Variants in CYP3A4 observed in about 807,000 individuals in gnomAD.
The protein encoded by CYP3A4 is cytochrome P450 family 3 subfamily A member 4.
A neutral mutation model predicts 54.9 loss-of-function variants in CYP3A4; 41 were observed. The ratio of observed to expected loss-of-function variants is 0.75; its 90% CI spans 0.58 to 0.97. The LOEUF (loss-of-function observed/expected upper bound fraction) is 0.97. Ranked by LOEUF, CYP3A4 falls within the 50% of genes least tolerant of loss-of-function variation. The pLI, the probability that CYP3A4 is intolerant of heterozygous loss-of-function variation, is 0.00. For synonymous variants in CYP3A4, 179 were observed against 205.2 expected (o/e 0.87, Z 1.09); for missense variants, 510 against 597.3 (o/e 0.85, Z 1.52).
chr7:99,765,292 C>T (rs534192751), intron 9 of CYP3A4, among the ~76,000 whole-genome samples: 8 of 152,252 alleles, frequency 5.3e-5, no homozygotes, highest in African/African-American at 1.9e-4. Context: ...AGCCACATAT[C>T]CAGTGCTCAA....
Position 99,784,025 on chromosome 7 carries a change from C to A in CYP3A4, c.57G>T (p.Leu19=). ...CAGTTACTCACAGATAGAGGAGCAC[C>A]AGGCTGACAGCCAGGAGAAGCCAGG... ...METWLLLAVS[L]VLLYLYGTHS... is the part of the protein sequence containing the mutation. Residue 19 remains leucine (L), a synonymous_variant, in exon 1 of 13, where the codon CTG becomes CTT. Coordinates refer to ENST00000651514, the MANE Select transcript of CYP3A4 (RefSeq NM_017460.6). 1 of 1,613,872 alleles carries A rather than the reference C, an allele frequency of 6.2e-7. No individual in the cohort carries two copies. The highest frequency in any genetic ancestry group is 8.5e-7 in the Non-Finnish European group (1 of 1,179,866).
chr7:99,763,722 G>A, intron 10 of CYP3A4, 133 bp downstream of exon 10: 1 of 1,255,272 alleles, frequency 8.0e-7, no homozygotes, highest in East Asian at 2.5e-5. Flanking sequence ...TTTCTTTTCA[G>A]AGCCTTCCTA....
At chr7:99,764,057 G>A in intron 9 of CYP3A4, 42 bp from the exon 10 acceptor site, 2 of 1,612,734 alleles carry the variant, frequency 1.2e-6, no homozygotes, top group Admixed American at 1.7e-5. Flanking sequence ...TCAGATCAAT[G>A]TAGGGCATCA....
At chr7:99,779,398 A>G (rs1815856331) in intron 2 of CYP3A4, among the ~76,000 whole-genome samples, 2 of 152,194 alleles carry the variant, frequency 1.3e-5, no homozygotes, top group African/African-American at 4.8e-5. Flanking sequence ...CAAAGCTGCA[A>G]AAGATGTCAT....
chr7:99,767,294 T>C (rs1277640414), intron 7 of CYP3A4, 36 bp from the exon 8 acceptor site: 1 of 1,544,984 alleles, frequency 6.5e-7, no homozygotes, highest in Non-Finnish European at 8.7e-7. Context: ...GAAAAAGAAA[T>C]TCATTGTGAA....
chr7:99,767,421 A>G (rs1815503706), intron 7 of CYP3A4, among the ~76,000 whole-genome samples, 163 bp from the exon 8 acceptor site: 1 of 152,192 alleles, frequency 6.6e-6, no homozygotes, highest in Non-Finnish European at 1.5e-5. Flanking sequence ...CTTTCAGGCC[A>G]GTGGCTGAGC....
In CYP3A4 at chr7:99,764,083, G is replaced by A. The variant is rs1302282983; in HGVS notation, c.866-68C>T. 5 of 1,604,616 alleles carry A rather than the reference G, an allele frequency of 3.1e-6. No homozygotes were observed. The African/African-American group carries it at 6.7e-5, about 21-fold the overall frequency. Reference sequence around the variant, plus strand: ...TAGGGCATCACAGTTTAGATGAAGAGAAATCTAAGTGAAGCCCTCAAATCC... The same window carrying A: ...TAGGGCATCACAGTTTAGATGAAGAAAAATCTAAGTGAAGCCCTCAAATCC... On this transcript the variant is annotated intron_variant, in intron 9 of 12. Transcript: ENST00000651514.
intron 3 of CYP3A4, among the ~76,000 whole-genome samples, chr7:99,772,901 G>A (rs1815670286): frequency 6.6e-6 from 1 of 152,034 alleles, no homozygotes; most frequent in African/African-American, 2.4e-5. Context: ...GATAATGTGG[G>A]CCAAACAAGG....
rs896685846 is a variant in CYP3A4, at chr7:99,777,903, C to G, written c.218+125G>C. 5.2e-6 allele frequency: 4 copies of G among 768,178 alleles called. No individual in the cohort carries two copies. In the African/African-American group the frequency reaches 7.1e-5, roughly 14 times the overall value. 47.6% of individuals were successfully genotyped at this position (768,178 alleles called of 1,614,324 possible). A position where few individuals can be genotyped will look rare whatever the true frequency, so the allele number is the denominator to read the frequency against. ...TCTTCTTCTTTCAGAGAACTTCTCT[C>G]TGTTTGTAGTTAGGTTGACAAGAGC... is the stretch of plus-strand genomic sequence containing the variant. On this transcript the variant is annotated intron_variant, in intron 3 of 12. Coordinates refer to ENST00000651514, the MANE Select transcript of CYP3A4 (RefSeq NM_017460.6).
At chr7:99,769,672 C>T (rs550620658) in intron 6 of CYP3A4, 96 bp downstream of exon 6, 8 of 1,458,144 alleles carry the variant, frequency 5.5e-6, no homozygotes, top group Non-Finnish European at 7.7e-6. Context: ...TTTGTCTGGT[C>T]ACTGGAATAA....
chr7:99,766,993 C>A (rs1436858374), intron 8 of CYP3A4, 138 bp downstream of exon 8: 5 of 740,258 alleles, frequency 6.8e-6, no homozygotes, highest in Non-Finnish European at 1.0e-5. Flanking sequence ...CAAATGAATT[C>A]TCTTGCTCTA....
At chr7:99,772,403 T>C (rs1384215066) in intron 4 of CYP3A4, among the ~76,000 whole-genome samples, 187 bp downstream of exon 4, 2 of 152,174 alleles carry the variant, frequency 1.3e-5, no homozygotes, top group Non-Finnish European at 2.9e-5. Context: ...CTGTACTATA[T>C]AGTAACATGA....
At chr7:99,764,146 C>T (rs546169297) in intron 9 of CYP3A4, 131 bp from the exon 10 acceptor site, 4 of 1,342,066 alleles carry the variant, frequency 3.0e-6, no homozygotes, top group Non-Finnish European at 4.1e-6. Context: ...CAGAGGTACA[C>T]TGGGGGTGGT....
At chr7:99,781,112 T>A (rs1815912006) in intron 1 of CYP3A4, among the ~76,000 whole-genome samples, 1 of 152,176 alleles carries the variant, frequency 6.6e-6, no homozygotes, top group African/African-American at 2.4e-5. Flanking sequence ...AATGAGTTTT[T>A]ATGAGATCTG....
intron 3 of CYP3A4, 130 bp from the exon 4 acceptor site, chr7:99,772,819 G>C: frequency 1.1e-6 from 1 of 928,790 alleles, no homozygotes; most frequent in Non-Finnish European, 1.6e-6. Flanking sequence ...GTAATCTTAG[G>C]TTCTAGTTCA....
At chr7:99,773,870 G>A (rs1815694272) in intron 3 of CYP3A4, among the ~76,000 whole-genome samples, 1 of 151,956 alleles carries the variant, frequency 6.6e-6, no homozygotes, top group Non-Finnish European at 1.5e-5. Flanking sequence ...AGGAGATAGA[G>A]ACACAACAAA....
In CYP3A4 at chr7:99,770,220, C is replaced by T. The variant is rs1192020117; in HGVS notation, c.334G>A (p.Gly112Arg). ...ATAGAGATGGCACTTTTCATAAATC[C>T]CACTGGACCAAAAGGCTAGAGTTCA... Reference protein sequence around the residue: ...FTNRRPFGPVGFMKSAISIAE... With the variant: ...FTNRRPFGPVRFMKSAISIAE... The change falls in exon 5 of 13, where the codon GGA (glycine) becomes AGA (arginine). Residue 112 changes from glycine to arginine, a missense_variant. Gly to Arg is a moderately radical substitution (Grantham distance 125, BLOSUM62 -2). Coordinates refer to ENST00000651514, the MANE Select transcript of CYP3A4 (RefSeq NM_017460.6). 8 of 1,612,934 alleles carry T rather than the reference C, an allele frequency of 5.0e-6. No individual in the cohort carries two copies. Among genetic ancestry groups the T allele is most frequent in the Non-Finnish European group, 3.4e-6 (4 of 1,179,114 alleles).
At chr7:99,761,499 T>C (rs1185951033) in intron 11 of CYP3A4, among the ~76,000 whole-genome samples, 3 of 152,028 alleles carry the variant, frequency 2.0e-5, no homozygotes, top group Non-Finnish European at 4.4e-5. Flanking sequence ...CTTCTTCTTC[T>C]CTCCATCTCT....
At chr7:99,773,013 T>G (rs1433725309) in intron 3 of CYP3A4, among the ~76,000 whole-genome samples, 2 of 152,120 alleles carry the variant, frequency 1.3e-5, no homozygotes. Flanking sequence ...ATATTTCCCA[T>G]GCCATTCTCC....
Sources: allele counts gnomAD v4.1 joint callset (sites outside exome capture counted in the v4.1 genomes callset), GRCh38; gene constraint gnomAD v4.1.1; transcripts MANE v1.5; gene names NCBI Gene and HGNC (gene_info 2026-07-23, HGNC 2026-07-21).